The following HECW2 variants were observed in gnomAD, a reference collection of about 807,000 sequenced individuals.
HECW2 encodes HECT, C2 and WW domain containing E3 ubiquitin protein ligase 2, also known as E3 ubiquitin-protein ligase HECW2.
A neutral mutation model predicts 175.2 loss-of-function variants in HECW2; 61 were observed. The observed-to-expected ratio is 0.35, with a 90% CI of 0.28 to 0.43. HECW2 has a LOEUF of 0.43. Among genes scored for constraint, HECW2 ranks in the 20% least tolerant of loss-of-function variants. The pLI is 1.00. For synonymous variants in HECW2, 671 were observed against 731.0 expected, an observed-to-expected ratio of 0.92 and a Z score of 1.32; for missense variants, 1,524 against 2,000.5, an observed-to-expected ratio of 0.76 and a Z score of 4.54.
intron 2 of HECW2, among the ~76,000 whole-genome samples, chr2:196,363,437 C>T (rs1036699683): frequency 2.0e-5 from 3 of 152,024 alleles, no homozygotes; most frequent in Non-Finnish European, 4.4e-5. Context: ...TTAAGATACT[C>T]TGCCTTCCTC....
At chr2:196,314,005 G>A (rs1691597923) in intron 10 of HECW2, among the ~76,000 whole-genome samples, 1 of 152,226 alleles carries the variant, frequency 6.6e-6, no homozygotes, top group Admixed American at 6.5e-5. Flanking sequence ...AGGCCGCAGT[G>A]CACCATGATC....
intron 1 of HECW2, among the ~76,000 whole-genome samples, chr2:196,496,179 T>C (rs546156408): frequency 2.0e-5 from 3 of 152,114 alleles, no homozygotes; most frequent in African/African-American, 7.2e-5. Flanking sequence ...CTCTACAGCT[T>C]ACATATATTT....
At position 196,560,134 on chromosome 2, in the gene HECW2, A is replaced by C. The variant is rs567337485; in HGVS notation, c.-36+33374T>G. Among the ~76,000 whole-genome samples the C allele has an allele frequency of 8.5e-5, 13 of 152,226 alleles. No homozygotes were observed. In the East Asian group the frequency reaches 2.1e-3, roughly 25 times the overall value. On this transcript the variant is annotated intron_variant, in intron 1 of 28. Coordinates refer to ENST00000644978, the MANE Select transcript of HECW2 (RefSeq NM_001348768.2). ...TGTATTTCTATGAAGCACCCTGATG[A>C]TGTTGCTGCTGCAGGGACCACCCTT... is the stretch of plus-strand genomic sequence containing the variant.
At chr2:196,242,494 G>A (rs1349570119) in intron 19 of HECW2, 3 of 365,266 alleles carry the variant, frequency 8.2e-6, no homozygotes, top group African/African-American at 2.1e-5. Context: ...ACTAATATGA[G>A]TCAAACAGAG....
At chr2:196,512,711 T>G (rs1687997244) in intron 1 of HECW2, among the ~76,000 whole-genome samples, 1 of 150,962 alleles carries the variant, frequency 6.6e-6, no homozygotes, top group Non-Finnish European at 1.5e-5. Flanking sequence ...TTTTTTCGAG[T>G]TGGAGTCTCG....
At chr2:196,428,363 T>C (rs1490419054) in intron 2 of HECW2, among the ~76,000 whole-genome samples, 1 of 152,226 alleles carries the variant, frequency 6.6e-6, no homozygotes, top group Non-Finnish European at 1.5e-5. Flanking sequence ...TCAGCACATC[T>C]ATTTCACAGA....
rs16847479 is a variant in HECW2, at chr2:196,222,188, G to A, written c.4146+23C>T. On this transcript the variant is annotated intron_variant, in intron 24 of 28. Transcript: ENST00000644978. ...TAGCCTTCAGTTACCACACTTAGGC[G>A]CCAGGTGTGCAGATACACACACCTG... 51,134 of 1,603,746 alleles carry A rather than the reference G, an allele frequency of 0.032. 2,382 individuals are homozygous for A. The highest frequency in any genetic ancestry group is 0.18 in the African/African-American group (13,373 of 74,614).
At chr2:196,294,560 C>G (rs546249022) in intron 13 of HECW2, among the ~76,000 whole-genome samples, 1 of 152,070 alleles carries the variant, frequency 6.6e-6, no homozygotes, top group East Asian at 1.9e-4. Context: ...CAAGGCAAAC[C>G]CCAAGGACTC....
intron 1 of HECW2, among the ~76,000 whole-genome samples, chr2:196,479,002 G>C (rs1271864825): frequency 2.6e-5 from 4 of 152,166 alleles, no homozygotes; most frequent in Non-Finnish European, 5.9e-5. Flanking sequence ...CAACAAGAGG[G>C]GTACATAATT....
intron 1 of HECW2, among the ~76,000 whole-genome samples, chr2:196,497,345 C>A (rs1427615563): frequency 1.3e-5 from 2 of 152,168 alleles, no homozygotes; most frequent in South Asian, 2.1e-4. Context: ...AACTCTATAG[C>A]TTCCTAGTAA....
chr2:196,502,019 T>C (rs759280998), intron 1 of HECW2, among the ~76,000 whole-genome samples: 1 of 152,236 alleles, frequency 6.6e-6, no homozygotes, highest in Non-Finnish European at 1.5e-5. Context: ...TCAAGTCATA[T>C]TGAATTTAAC....
intron 1 of HECW2, among the ~76,000 whole-genome samples, chr2:196,472,841 G>A (rs768850261): frequency 1.3e-5 from 2 of 152,102 alleles, no homozygotes; most frequent in East Asian, 1.9e-4. Flanking sequence ...GGCTGGTTCC[G>A]AACCCCTGAT....
At chr2:196,338,820 C>T (rs1692644882) in intron 3 of HECW2, among the ~76,000 whole-genome samples, 1 of 152,210 alleles carries the variant, frequency 6.6e-6, no homozygotes, top group East Asian at 1.9e-4. Context: ...TAGAACATGA[C>T]TTTCACCATT....
chr2:196,385,604 A>G (rs1694323348), intron 2 of HECW2, among the ~76,000 whole-genome samples: 1 of 152,186 alleles, frequency 6.6e-6, no homozygotes, highest in Non-Finnish European at 1.5e-5. Context: ...GTCTTAGAGA[A>G]TCACTTTTGT....
At chr2:196,448,933 AAAT>A (rs1696266340) in intron 1 of HECW2, among the ~76,000 whole-genome samples, 1 of 152,144 alleles carries the variant, frequency 6.6e-6, no homozygotes, top group Non-Finnish European at 1.5e-5. Context: ...TTGGGGGAAA[AAAT>A]AATAAGTATT....
chr2:196,528,197 G>A lies in HECW2; in HGVS notation c.-36+65311C>T, dbSNP rs555555955. Among the ~76,000 whole-genome samples the A allele has an allele frequency of 1.1e-4, 16 of 152,100 alleles. No individual in the cohort carries two copies. The South Asian group carries it at 3.3e-3, about 32-fold the overall frequency. ...GCAAAATTCTTCCCTCAATAAACATGACCTATACTTTTAAAAATATCTCTT... is the reference window on the plus strand; with the variant it reads ...GCAAAATTCTTCCCTCAATAAACATAACCTATACTTTTAAAAATATCTCTT... On this transcript the variant is annotated intron_variant, in intron 1 of 28. Coordinates refer to ENST00000644978, the MANE Select transcript of HECW2 (RefSeq NM_001348768.2).
intron 2 of HECW2, among the ~76,000 whole-genome samples, chr2:196,371,945 T>C (rs924274819): frequency 1.3e-5 from 2 of 152,254 alleles, no homozygotes; most frequent in Admixed American, 6.5e-5. Flanking sequence ...TTTAGTAACA[T>C]TTCTTAAAAG....
chr2:196,425,631 A>C (rs1464610292), intron 2 of HECW2, among the ~76,000 whole-genome samples: 1 of 152,140 alleles, frequency 6.6e-6, no homozygotes, highest in Non-Finnish European at 1.5e-5. Flanking sequence ...GAGAACTAGA[A>C]TTAGAAGTGG....
At chr2:196,217,135 C>T (rs774339386) in intron 26 of HECW2, 42 bp from the exon 27 acceptor site, 7 of 1,426,844 alleles carry the variant, frequency 4.9e-6, no homozygotes, top group Non-Finnish European at 5.9e-6. Flanking sequence ...TTTGACTCTT[C>T]TATATTAAGC....
Sources: gnomAD v4.1 joint callset for allele counts (sites outside exome capture counted in the v4.1 genomes callset) on GRCh38, gnomAD v4.1.1 for gene constraint, MANE v1.5 for transcripts, NCBI Gene and HGNC (gene_info 2026-07-23, HGNC 2026-07-21) for gene names.